RFTN1: variants seen among roughly 807,000 people sequenced by gnomAD.
The protein encoded by RFTN1 is raftlin, lipid raft linker 1.
In RFTN1, 26 loss-of-function variants were observed where a neutral mutation model predicts 46.5. The ratio of observed to expected loss-of-function variants is 0.56; its 90% CI spans 0.41 to 0.78. The LOEUF (loss-of-function observed/expected upper bound fraction) is 0.78. Among genes scored for constraint, RFTN1 ranks in the 30% least tolerant of loss-of-function variants. RFTN1 has a pLI of 0.00. For missense variants in RFTN1, 693 were observed against 718.7 expected (o/e 0.96, Z 0.41); for synonymous variants, 261 against 284.2 (o/e 0.92, Z 0.82).
In RFTN1 at chr3:16,387,570, T is replaced by TTCTTTCTCTCTCTCTC. The variant is rs1224689232; in HGVS notation, c.442-9469_442-9468insGAGAGAGAGAGAAAGA. 2.3e-4 allele frequency among the ~76,000 whole-genome samples: 27 copies of TTCTTTCTCTCTCTCTC among 116,418 alleles called. No individual in the cohort carries two copies. The highest frequency in any genetic ancestry group is 1.1e-3 in the African/African-American group (27 of 25,514). 76.4% of individuals were successfully genotyped at this position (116,418 alleles called of 152,430 possible). A position where few individuals can be genotyped will look rare whatever the true frequency, so the allele number is the denominator to read the frequency against. On this transcript the variant is annotated intron_variant, in intron 4 of 9. Coordinates refer to ENST00000334133, the MANE Select transcript of RFTN1 (RefSeq NM_015150.2). The surrounding 1 kb of genome is among the most constrained non-coding windows in gnomAD (Gnocchi z 5.2). ...CACTTCTCTCTTCTATATCCTCAAT[T>TTCTTTCTCTCTCTCTC]TCTCTCTCTCTCTCTCTCTCTCTCT...
chr3:16,412,312 A>T (rs537554116), intron 3 of RFTN1, among the ~76,000 whole-genome samples: 1 of 152,300 alleles, frequency 6.6e-6, no homozygotes, highest in African/African-American at 2.4e-5. Flanking sequence ...AGGAAGGGGG[A>T]AAAATCCCTA....
At position 16,424,686 on chromosome 3, in the gene RFTN1, A is replaced by G. The variant is rs1013136701; in HGVS notation, c.332+9165T>C. 7.2e-5 allele frequency among the ~76,000 whole-genome samples: 11 copies of G among 152,232 alleles called. No individual in the cohort carries two copies. The highest frequency in any genetic ancestry group is 6.5e-4 in the Admixed American group (10 of 15,282). ...ATTTTCATATACTTATAGCATCTTT[A>G]TAGCATTTACCTCTTTGTAAATGGT... is the stretch of plus-strand genomic sequence containing the variant. On this transcript the variant is annotated intron_variant, in intron 3 of 9. Coordinates refer to ENST00000334133, the MANE Select transcript of RFTN1 (RefSeq NM_015150.2). The surrounding 1 kb of genome is among the most constrained non-coding windows in gnomAD (Gnocchi z 4.7).
At chr3:16,463,769 G>C (rs1249851682) in intron 2 of RFTN1, among the ~76,000 whole-genome samples, 1 of 152,140 alleles carries the variant, frequency 6.6e-6, no homozygotes, top group African/African-American at 2.4e-5. Context: ...TCATGTATTA[G>C]AAAGTTGAAA....
intron 4 of RFTN1, among the ~76,000 whole-genome samples, chr3:16,405,296 C>G (rs551752724): frequency 1.6e-4 from 25 of 152,278 alleles, no homozygotes; most frequent in African/African-American, 6.0e-4. Flanking sequence ...CTCGAGCATT[C>G]GGCTCTAGGA....
chr3:16,382,400 G>C lies in RFTN1; in HGVS notation c.442-4298C>G, dbSNP rs2074022427. 6.6e-6 allele frequency among the ~76,000 whole-genome samples: 1 copy of C among 152,102 alleles called. No homozygotes were observed. Among genetic ancestry groups the C allele is most frequent in the Non-Finnish European group, 1.5e-5 (1 of 68,034 alleles). On this transcript the variant is annotated intron_variant, in intron 4 of 9. Coordinates refer to ENST00000334133, the MANE Select transcript of RFTN1 (RefSeq NM_015150.2). The surrounding 1 kb of genome is among the most constrained non-coding windows in gnomAD (Gnocchi z 4.7). Reference sequence around the variant, plus strand: ...TGTACTTATGGCTAAAGTAAATCCTGCTTCTCATTCTTGCATTTATAACCT... The same window carrying C: ...TGTACTTATGGCTAAAGTAAATCCTCCTTCTCATTCTTGCATTTATAACCT...
rs186315648 is a variant in RFTN1 at position 16,427,780 on chromosome 3, C to G, written c.332+6071G>C. ...CACACACAGCCTCCTCCAGGCTTCT[C>G]ATGCCTGCCCTCCCACTGTTTCTCT... On this transcript the variant is annotated intron_variant, in intron 3 of 9. Transcript: ENST00000334133. This position sits in a 1 kb window ranked among gnomAD's most constrained non-coding sequence, Gnocchi z 5.4. Among the ~76,000 whole-genome samples the G allele has an allele frequency of 3.5e-4, 53 of 152,290 alleles. No homozygotes were observed. In the Middle Eastern group the frequency reaches 0.01, roughly 29 times the overall value.
rs1325263140 is a variant in RFTN1 at position 16,446,117 on chromosome 3, A to G, written c.146-12080T>C. ...GACTGCAGTAGCACTCTCTCCGTCA[A>G]AGAAAGTCCAATGCAAACTGCTACC... On this transcript the variant is annotated intron_variant, in intron 2 of 9. Transcript: ENST00000334133. This position sits in a 1 kb window ranked among gnomAD's most constrained non-coding sequence, Gnocchi z 4.5. Among the ~76,000 whole-genome samples, 1 of 152,098 alleles carries G rather than the reference A, an allele frequency of 6.6e-6. No homozygotes were observed. Among genetic ancestry groups the G allele is most frequent in the African/African-American group, 2.4e-5 (1 of 41,414 alleles).
At chr3:16,491,700 G>A (rs1036144447) in intron 2 of RFTN1, among the ~76,000 whole-genome samples, 9 of 151,542 alleles carry the variant, frequency 5.9e-5, no homozygotes, top group Admixed American at 2.6e-4. Flanking sequence ...AGGTTCTTAG[G>A]AGCAAAGTTA....
chr3:16,346,113 C>G lies in RFTN1; in HGVS notation c.1146+11819G>C, dbSNP rs1311710433. 2.0e-5 allele frequency: 3 copies of G among 152,194 alleles called. No individual in the cohort carries two copies. Among genetic ancestry groups the G allele is most frequent in the South Asian group, 2.1e-4 (1 of 4,814 alleles). 9.4% of individuals were successfully genotyped at this position (152,194 alleles called of 1,614,324 possible). On this transcript the variant is annotated intron_variant, in intron 7 of 9. Transcript: ENST00000334133. The surrounding 1 kb of genome is among the most constrained non-coding windows in gnomAD (Gnocchi z 4.4). ...CCTATGATTTAGGGTCTTCCAGCACCCCTCAGGAAGCTTGACAATGAAGAG... is the reference window on the plus strand; with the variant it reads ...CCTATGATTTAGGGTCTTCCAGCACGCCTCAGGAAGCTTGACAATGAAGAG...
In RFTN1 at chr3:16,489,360, G is replaced by C. The variant is rs1391561609; in HGVS notation, c.145+4365C>G. On this transcript the variant is annotated intron_variant, in intron 2 of 9. Transcript: ENST00000334133. The surrounding 1 kb of genome is among the most constrained non-coding windows in gnomAD (Gnocchi z 4.0). ...TTGAACCCAGGAGGTGAAGATTGCAGTGAGCCGAGATTGCACCACCACACT... is the reference window on the plus strand; with the variant it reads ...TTGAACCCAGGAGGTGAAGATTGCACTGAGCCGAGATTGCACCACCACACT... Among the ~76,000 whole-genome samples, 2 of 152,176 alleles carry C rather than the reference G, an allele frequency of 1.3e-5. No individual in the cohort carries two copies. Among genetic ancestry groups the C allele is most frequent in the Non-Finnish European group, 2.9e-5 (2 of 68,040 alleles).
At position 16,454,672 on chromosome 3, in the gene RFTN1, G is replaced by A. The variant is rs1056882304; in HGVS notation, c.146-20635C>T. The A allele has an allele frequency of 4.3e-6, 3 of 693,752 alleles. No homozygotes were observed. The African/African-American group carries it at 5.8e-5, about 13-fold the overall frequency. The allele number at this position is 693,752 out of a possible 1,614,324, so 43.0% of individuals were successfully genotyped here. A position where few individuals can be genotyped will look rare whatever the true frequency, so the allele number is the denominator to read the frequency against. On this transcript the variant is annotated intron_variant, in intron 2 of 9. Transcript: ENST00000334133. The stretch of plus-strand genomic sequence containing the variant: ...CTCCTCTCCTCCTCATTCCCTAACT[G>A]CTTAGAGAATTCCTACTCATCCTTC...
At chr3:16,403,522 A>T in intron 4 of RFTN1, among the ~76,000 whole-genome samples, 1 of 124,964 alleles carries the variant, frequency 8.0e-6, no homozygotes, top group Non-Finnish European at 1.6e-5. Flanking sequence ...AGATACACAA[A>T]CATGGGCCAG....
rs2073472392 is a variant in RFTN1 at position 16,370,924 on chromosome 3, G to A, written c.827-645C>T. On this transcript the variant is annotated intron_variant, in intron 5 of 9. Coordinates refer to ENST00000334133, the MANE Select transcript of RFTN1 (RefSeq NM_015150.2). The surrounding 1 kb of genome is among the most constrained non-coding windows in gnomAD (Gnocchi z 5.5). ...CAGGGGATGAGGCGCTGAGCTTTTG[G>A]TTCCTTCATTTATAGCTCAGTTCTT... The A allele has an allele frequency of 6.6e-6, 1 of 152,350 alleles. No homozygotes were observed. The highest frequency in any genetic ancestry group is 1.5e-5 in the Non-Finnish European group (1 of 68,162). The allele number at this position is 152,350 out of a possible 1,614,324, so 9.4% of individuals were successfully genotyped here. A position where few individuals can be genotyped will look rare whatever the true frequency, so the allele number is the denominator to read the frequency against.
At chr3:16,476,931 T>G (rs367860848) in intron 2 of RFTN1, among the ~76,000 whole-genome samples, 2 of 152,148 alleles carry the variant, frequency 1.3e-5, no homozygotes, top group South Asian at 2.1e-4. Flanking sequence ...GAAAAGCTAT[T>G]TCTTAGTCAT....
At position 16,489,889 on chromosome 3, in the gene RFTN1, C is replaced by T. The variant is rs1469850147; in HGVS notation, c.145+3836G>A. 6.6e-6 allele frequency among the ~76,000 whole-genome samples: 1 copy of T among 151,948 alleles called. No homozygotes were observed. The highest frequency in any genetic ancestry group is 1.9e-4 in the East Asian group (1 of 5,192). On this transcript the variant is annotated intron_variant, in intron 2 of 9. Transcript: ENST00000334133. This position sits in a 1 kb window ranked among gnomAD's most constrained non-coding sequence, Gnocchi z 4.0. ...CAACATTGCACTCCAGCCTAGGTGA[C>T]AGAGCGAGACTCCATGTCAAAAAAA...
chr3:16,450,882 C>G lies in RFTN1; in HGVS notation c.146-16845G>C, dbSNP rs58037859. On this transcript the variant is annotated intron_variant, in intron 2 of 9. Transcript: ENST00000334133. This position sits in a 1 kb window ranked among gnomAD's most constrained non-coding sequence, Gnocchi z 4.6. ...TCCTAGGTCTCTGGTTTGCATGGAC[C>G]TGAACAGATAGTGGTGACTTTCACC... Among the ~76,000 whole-genome samples, 1,228 of 152,094 alleles carry G rather than the reference C, an allele frequency of 8.1e-3. 19 individuals are homozygous for G. Among genetic ancestry groups the G allele is most frequent in the African/African-American group, 0.028 (1,166 of 41,486 alleles).
intron 3 of RFTN1, among the ~76,000 whole-genome samples, chr3:16,423,945 C>T (rs1188515876): frequency 2.0e-5 from 3 of 152,242 alleles, no homozygotes; most frequent in Non-Finnish European, 4.4e-5. Context: ...CACTGATAAT[C>T]GTAGAACCAT....
chr3:16,380,642 G>A lies in RFTN1; in HGVS notation c.442-2540C>T, dbSNP rs1040270466. The stretch of plus-strand genomic sequence containing the variant: ...ACCTGTTAGAAATGCAAATTCTCAG[G>A]CCCCACCACAGACCTACTGAGTCAG... On this transcript the variant is annotated intron_variant, in intron 4 of 9. Coordinates refer to ENST00000334133, the MANE Select transcript of RFTN1 (RefSeq NM_015150.2). This position sits in a 1 kb window ranked among gnomAD's most constrained non-coding sequence, Gnocchi z 4.8. 6.6e-6 allele frequency among the ~76,000 whole-genome samples: 1 copy of A among 152,164 alleles called. No individual in the cohort carries two copies. Among genetic ancestry groups the A allele is most frequent in the Non-Finnish European group, 1.5e-5 (1 of 68,028 alleles).
intron 2 of RFTN1, among the ~76,000 whole-genome samples, chr3:16,445,343 T>G (rs950028268): frequency 3.9e-5 from 6 of 152,086 alleles, no homozygotes; most frequent in African/African-American, 1.2e-4. Flanking sequence ...AGGGAGGCTT[T>G]CTTTATCCAC....
Sources: allele counts gnomAD v4.1 joint callset (sites outside exome capture counted in the v4.1 genomes callset), GRCh38; gene constraint gnomAD v4.1.1; non-coding constraint Gnocchi (gnomAD v3.1); transcripts MANE v1.5; gene names NCBI Gene and HGNC (gene_info 2026-07-23, HGNC 2026-07-21).